Variants in BCL10 observed in about 807,000 individuals in gnomAD.
BCL10 encodes B-cell lymphoma/leukemia 10.
A neutral mutation model predicts 19.2 loss-of-function variants in BCL10; 5 were observed. The ratio of observed to expected loss-of-function variants is 0.26; its 90% CI spans 0.14 to 0.55. The LOEUF (loss-of-function observed/expected upper bound fraction) is 0.55, where lower values mean the gene tolerates loss of function less well. Among genes scored for constraint, BCL10 ranks in the 20% least tolerant of loss-of-function variants. The probability of loss-of-function intolerance (pLI) is 0.94; values close to 1 mark genes in which losing one functional copy is unlikely to be tolerated. For synonymous variants in BCL10, 110 were observed against 98.8 expected (o/e 1.11, Z -0.67); for missense variants, 201 against 271.9 (o/e 0.74, Z 1.83).
intron 2 of BCL10, among the ~76,000 whole-genome samples, chr1:85,269,653 T>A (rs943689551): frequency 6.6e-6 from 1 of 152,268 alleles, no homozygotes; most frequent in African/African-American, 2.4e-5. Flanking sequence ...TTCTTTTCTG[T>A]ATCCCTAATG....
chr1:85,273,478 G>A (rs36116171), intron 1 of BCL10, among the ~76,000 whole-genome samples: 20,941 of 152,006 alleles, frequency 0.14, 1,578 homozygotes, highest in South Asian at 0.22. Flanking sequence ...TCTTTAAAGG[G>A]TTTTACACCA....
At position 85,276,506 on chromosome 1, in the gene BCL10, G is replaced by C. The variant is rs932276841; in HGVS notation, c.-154C>G. 6.9e-5 allele frequency: 54 copies of C among 783,854 alleles called. No individual in the cohort carries two copies. The African/African-American group carries it at 8.6e-4, about 13-fold the overall frequency. 48.6% of individuals were successfully genotyped at this position (783,854 alleles called of 1,614,324 possible). ...ACGGCCGCCCCTTCGGGAACAGAGGGACTCGGGGGTCAAACCGTAGCGCTT... is the reference window on the plus strand; with the variant it reads ...ACGGCCGCCCCTTCGGGAACAGAGGCACTCGGGGGTCAAACCGTAGCGCTT... On this transcript the variant is annotated 5_prime_UTR_variant, in exon 1 of 3. Coordinates refer to ENST00000648566, the MANE Select transcript of BCL10 (RefSeq NM_003921.5).
chr1:85,275,230 A>C (rs1660485044), intron 1 of BCL10, among the ~76,000 whole-genome samples: 1 of 152,218 alleles, frequency 6.6e-6, no homozygotes, highest in Non-Finnish European at 1.5e-5. Context: ...CTAGAATGTA[A>C]AGCAGGAAAC....
At chr1:85,270,174 C>T (rs1313863767) in intron 2 of BCL10, among the ~76,000 whole-genome samples, 1 of 152,140 alleles carries the variant, frequency 6.6e-6, no homozygotes, top group Non-Finnish European at 1.5e-5. Flanking sequence ...GAGAGATATT[C>T]CACTTTTTCA....
rs767413256 is a variant in BCL10, at chr1:85,267,642, A to G, written c.687T>C (p.Thr229=). 2.3e-5 allele frequency: 37 copies of G among 1,588,012 alleles called. No homozygotes were observed. Among genetic ancestry groups the G allele is most frequent in the Admixed American group, 3.7e-5 (2 of 53,378 alleles). The change falls in exon 3 of 3, where the codon ACT becomes ACC. Residue 229 remains threonine (T), a synonymous_variant. Transcript: ENST00000648566. ...SEMFLPLRSR[T]VSRQ is the part of the protein sequence containing the mutation. ...CAATAAAGTGTCATTGTCGTGAAAC[A>G]GTACGTGATCTTAAGGGAAGAAACA...
intron 2 of BCL10, among the ~76,000 whole-genome samples, chr1:85,269,497 T>C (rs373859540): frequency 6.6e-5 from 10 of 152,324 alleles, no homozygotes; most frequent in Admixed American, 2.0e-4. Context: ...CCACTAGTTT[T>C]TCAACCTCAC....
chr1:85,273,882 T>TG (rs199567739), intron 1 of BCL10, among the ~76,000 whole-genome samples: 45 of 151,850 alleles, frequency 3.0e-4, no homozygotes, highest in African/African-American at 9.7e-4. Flanking sequence ...CTACTATACT[T>TG]GGGGGGAAAA....
At chr1:85,276,037 G>T (rs951858586) in intron 1 of BCL10, among the ~76,000 whole-genome samples, 2 of 152,324 alleles carry the variant, frequency 1.3e-5, no homozygotes, top group East Asian at 3.9e-4. Flanking sequence ...TGAGGAGTGG[G>T]CAAGAATCAA....
intron 1 of BCL10, among the ~76,000 whole-genome samples, chr1:85,272,837 G>C (rs1421349919): frequency 6.6e-6 from 1 of 152,068 alleles, no homozygotes; most frequent in Non-Finnish European, 1.5e-5. Context: ...TGAAGGCCAC[G>C]CATAGTCTCT....
intron 1 of BCL10, among the ~76,000 whole-genome samples, chr1:85,273,990 C>T (rs1329265690): frequency 6.6e-6 from 1 of 152,210 alleles, no homozygotes; most frequent in African/African-American, 2.4e-5. Context: ...CTCCGATTTC[C>T]CCAAGTCACC....
Position 85,267,926 on chromosome 1 carries a change from T to C in BCL10, c.403A>G (p.Arg135Gly), listed in dbSNP as rs1338841098. ...FPDGATNNLS[R>G]SNSDESNFSE... ...AAATTACTCTCATCTGAATTTGATCTGGAGAGGTTGTTCGTGGCTCCATCT... is the reference window on the plus strand; with the variant it reads ...AAATTACTCTCATCTGAATTTGATCCGGAGAGGTTGTTCGTGGCTCCATCT... The change falls in exon 3 of 3, where the codon AGA becomes GGA. Residue 135 changes from arginine to glycine, a missense_variant. Arg to Gly is a moderately radical substitution (Grantham distance 125). Around this residue, in one of 3 missense-constraint regions of BCL10, gnomAD observed 126 missense variants for 136.6 expected, o/e 0.92. Transcript: ENST00000648566. 1 of 1,610,002 alleles carries C rather than the reference T, an allele frequency of 6.2e-7. No homozygotes were observed. The highest frequency in any genetic ancestry group is 1.7e-5 in the Admixed American group (1 of 59,378).
chr1:85,276,364 G>A lies in BCL10; in HGVS notation c.-12C>T, dbSNP rs1203553125. 3 of 1,613,120 alleles carry A rather than the reference G, an allele frequency of 1.9e-6. No individual in the cohort carries two copies. Among genetic ancestry groups the A allele is most frequent in the Non-Finnish European group, 2.5e-6 (3 of 1,179,398 alleles). On this transcript the variant is annotated 5_prime_UTR_variant, in exon 1 of 3. Transcript: ENST00000648566. ...GCGGTGGGCTCCATGGTGGAGGCGGGAGATGGCGCTTCTTCCGGGTCCGGG... is the reference window on the plus strand; with the variant it reads ...GCGGTGGGCTCCATGGTGGAGGCGGAAGATGGCGCTTCTTCCGGGTCCGGG...
intron 2 of BCL10, among the ~76,000 whole-genome samples, chr1:85,270,220 A>G (rs1379875270): frequency 6.6e-6 from 1 of 152,242 alleles, no homozygotes; most frequent in Non-Finnish European, 1.5e-5. Flanking sequence ...ATAAGTGCAA[A>G]TTGAATATAA....
rs542952039 is a variant in BCL10 at position 85,270,783 on chromosome 1, T to C, written c.181A>G (p.Ser61Gly). 1.2e-5 allele frequency: 19 copies of C among 1,614,172 alleles called. No individual in the cohort carries two copies. The highest frequency in any genetic ancestry group is 1.7e-5 in the Admixed American group (1 of 60,028). Residue 61 changes from serine to glycine, a missense_variant, in exon 2 of 3, where the codon AGT (serine) becomes GGT (glycine). Physicochemically the swap from Ser to Gly is moderately conservative, Grantham distance 56. This residue lies in a region of BCL10 where 51 missense variants were observed against 118.8 expected (regional missense o/e 0.43). Coordinates refer to ENST00000648566, the MANE Select transcript of BCL10 (RefSeq NM_003921.5). Reference protein sequence around the residue: ...DTEEISCRTSSRKRAGKLLDY... With the variant: ...DTEEISCRTSGRKRAGKLLDY... Reference sequence around the variant, plus strand: ...AACAATTTTCCAGCCCTTTTTCTACTTGATGTTCGACAAGAAATTTCTTCA... The same window carrying C: ...AACAATTTTCCAGCCCTTTTTCTACCTGATGTTCGACAAGAAATTTCTTCA...
At chr1:85,272,110 G>C (rs1340991384) in intron 1 of BCL10, among the ~76,000 whole-genome samples, 1 of 152,160 alleles carries the variant, frequency 6.6e-6, no homozygotes, top group Non-Finnish European at 1.5e-5. Context: ...CTATGTCCAG[G>C]ACCTGGTCCT....
chr1:85,276,455 A>G lies in BCL10; in HGVS notation c.-103T>C. 1 of 1,357,980 alleles carries G rather than the reference A, an allele frequency of 7.4e-7. No individual in the cohort carries two copies. Among genetic ancestry groups the G allele is most frequent in the Non-Finnish European group, 1.0e-6 (1 of 959,520 alleles). 84.1% of individuals were successfully genotyped at this position (1,357,980 alleles called of 1,614,324 possible). A position where few individuals can be genotyped will look rare whatever the true frequency, so the allele number is the denominator to read the frequency against. On this transcript the variant is annotated 5_prime_UTR_variant, in exon 1 of 3. Transcript: ENST00000648566. ...CCTCCGGGTAATGGGGAAGAAGGAGAGGAGGCGGAGCGGGTCGGGAGAAAG... is the reference window on the plus strand; with the variant it reads ...CCTCCGGGTAATGGGGAAGAAGGAGGGGAGGCGGAGCGGGTCGGGAGAAAG...
Position 85,267,933 on chromosome 1 carries a change from G to T in BCL10, c.396C>A (p.Asn132Lys), listed in dbSNP as rs774261681. 3.7e-6 allele frequency: 6 copies of T among 1,606,396 alleles called. No individual in the cohort carries two copies. The highest frequency in any genetic ancestry group is 5.1e-6 in the Non-Finnish European group (6 of 1,175,722). ...TCTCATCTGAATTTGATCTGGAGAG[G>T]TTGTTCGTGGCTCCATCTGGAAAAG... ...CEPFPDGATN[N>K]LSRSNSDESN... The change falls in exon 3 of 3, where the codon AAC becomes AAA. Residue 132 changes from asparagine (N) to lysine (K), a missense_variant. Asn to Lys is a moderately conservative substitution (Grantham distance 94, BLOSUM62 0). Coordinates refer to ENST00000648566, the MANE Select transcript of BCL10 (RefSeq NM_003921.5).
At position 85,276,277 on chromosome 1, in the gene BCL10, G is replaced by A; in HGVS notation, c.57+19C>T. The A allele has an allele frequency of 6.2e-7, 1 of 1,612,360 alleles. No individual in the cohort carries two copies. The highest frequency in any genetic ancestry group is 8.5e-7 in the Non-Finnish European group (1 of 1,178,718). On this transcript the variant is annotated intron_variant, in intron 1 of 2. Transcript: ENST00000648566. ...TGCAGCCCGCCCCCGCCCGCCCTGG[G>A]CACAGCTGCGTTACTCACGTCCTTC...
intron 2 of BCL10, 149 bp downstream of exon 2, chr1:85,270,469 C>A (rs755317874): frequency 1.5e-6 from 1 of 680,894 alleles, no homozygotes; most frequent in Admixed American, 3.3e-5. Flanking sequence ...GACAAAGTCT[C>A]GCTATGTTGC....
Sources: allele counts gnomAD v4.1 joint callset (sites outside exome capture counted in the v4.1 genomes callset), GRCh38; gene constraint gnomAD v4.1.1; regional missense constraint gnomAD v4.1.1; transcripts MANE v1.5; gene names NCBI Gene and HGNC (gene_info 2026-07-23, HGNC 2026-07-21).